WDR86: variants seen among roughly 807,000 people sequenced by gnomAD.
The protein encoded by WDR86 is WD repeat domain 86.
In WDR86, 30 loss-of-function variants were observed where a neutral mutation model predicts 36.5. The observed-to-expected ratio is 0.82, with a 90% CI of 0.61 to 1.11. The LOEUF is 1.11. Ranked by LOEUF, WDR86 falls within the 50% of genes most tolerant of loss-of-function variation. The probability of loss-of-function intolerance (pLI) is 0.00; values close to 1 mark genes in which losing one functional copy is unlikely to be tolerated. For synonymous variants in WDR86, 255 were observed against 252.9 expected (o/e 1.01, Z -0.08); for missense variants, 545 against 561.2 (o/e 0.97, Z 0.29).
At position 151,401,709 on chromosome 7, in the gene WDR86, G is replaced by C. The variant is rs1049533458; in HGVS notation, c.164-1468C>G. On this transcript the variant is annotated intron_variant, in intron 1 of 5. Coordinates refer to ENST00000334493, the MANE Select transcript of WDR86 (RefSeq NM_198285.3). This position sits in a 1 kb window ranked among gnomAD's most constrained non-coding sequence, Gnocchi z 4.3. ...GTCTTTGTGGATGTGACGAGGTAAAGACTTTGACTGGGGAGATTATCCTAG... is the reference window on the plus strand; with the variant it reads ...GTCTTTGTGGATGTGACGAGGTAAACACTTTGACTGGGGAGATTATCCTAG... Among the ~76,000 whole-genome samples, 7 of 152,056 alleles carry C rather than the reference G, an allele frequency of 4.6e-5. No individual in the cohort carries two copies. Among genetic ancestry groups the C allele is most frequent in the African/African-American group, 1.4e-4 (6 of 41,408 alleles).
chr7:151,388,780 C>T lies in WDR86; in HGVS notation c.727-3557G>A, dbSNP rs749132158. Reference sequence around the variant, plus strand: ...TGTGGCCACCTGGTCCCCAGGCTGACGGTCGGAGGCGGGGTATATGAAGCT... The same window carrying T: ...TGTGGCCACCTGGTCCCCAGGCTGATGGTCGGAGGCGGGGTATATGAAGCT... On this transcript the variant is annotated intron_variant, in intron 3 of 5. Transcript: ENST00000334493. This position sits in a 1 kb window ranked among gnomAD's most constrained non-coding sequence, Gnocchi z 4.2. Among the ~76,000 whole-genome samples, 10 of 152,204 alleles carry T rather than the reference C, an allele frequency of 6.6e-5. No individual in the cohort carries two copies. Among genetic ancestry groups the T allele is most frequent in the Non-Finnish European group, 8.8e-5 (6 of 68,036 alleles).
At chr7:151,389,305 G>C (rs1254067292) in intron 3 of WDR86, among the ~76,000 whole-genome samples, 1 of 151,988 alleles carries the variant, frequency 6.6e-6, no homozygotes, top group Non-Finnish European at 1.5e-5. Flanking sequence ...CCAGGACTCT[G>C]CGAAACTGCA....
intron 1 of WDR86, among the ~76,000 whole-genome samples, chr7:151,408,206 T>C (rs955022636): frequency 2.7e-5 from 4 of 149,128 alleles, no homozygotes; most frequent in African/African-American, 9.9e-5. Flanking sequence ...TTTCTTTTTT[T>C]TTTTTTTTTA....
chr7:151,395,449 G>T (rs917484727), intron 3 of WDR86, among the ~76,000 whole-genome samples: 2 of 151,848 alleles, frequency 1.3e-5, no homozygotes, highest in Non-Finnish European at 2.9e-5. Flanking sequence ...GTTCATAGGG[G>T]GGCCCTAATC....
In WDR86 at chr7:151,405,309, G is replaced by C. The variant is rs183122158; in HGVS notation, c.163+4118C>G. ...CTCCGACCCTGCAGGGCTCCCTCAG[G>C]CTGGCTGTGGCCATCCAACCTGGAA... On this transcript the variant is annotated intron_variant, in intron 1 of 5. Coordinates refer to ENST00000334493, the MANE Select transcript of WDR86 (RefSeq NM_198285.3). The surrounding 1 kb of genome is among the most constrained non-coding windows in gnomAD (Gnocchi z 4.7). 6.0e-4 allele frequency among the ~76,000 whole-genome samples: 91 copies of C among 152,226 alleles called. No individual in the cohort carries two copies. Among genetic ancestry groups the C allele is most frequent in the African/African-American group, 2.0e-3 (84 of 41,542 alleles).
chr7:151,372,704 G>A (rs1377285987), downstream of WDR86, among the ~76,000 whole-genome samples: 1 of 152,166 alleles, frequency 6.6e-6, no homozygotes, highest in Admixed American at 6.5e-5. Flanking sequence ...AGGAGCTGGT[G>A]CCTCAGTGTG....
intron 3 of WDR86, among the ~76,000 whole-genome samples, chr7:151,387,815 C>T (rs896070371): frequency 2.0e-5 from 3 of 152,234 alleles, no homozygotes; most frequent in Non-Finnish European, 2.9e-5. Flanking sequence ...GTGGTGGTCA[C>T]AGGCACGGGG....
chr7:151,409,386 A>G lies in WDR86; in HGVS notation c.163+41T>C. The G allele has an allele frequency of 6.4e-7, 1 of 1,550,788 alleles. No homozygotes were observed. The highest frequency in any genetic ancestry group is 8.7e-7 in the Non-Finnish European group (1 of 1,148,414). On this transcript the variant is annotated intron_variant, in intron 1 of 5. Coordinates refer to ENST00000334493, the MANE Select transcript of WDR86 (RefSeq NM_198285.3). The surrounding 1 kb of genome is among the most constrained non-coding windows in gnomAD (Gnocchi z 5.2). Reference sequence around the variant, plus strand: ...TGGGGTCCGCGGTCTGGGGCCGGTGAGCTGCGGCGAAGAGGTCAGGGAGGG... The same window carrying G: ...TGGGGTCCGCGGTCTGGGGCCGGTGGGCTGCGGCGAAGAGGTCAGGGAGGG...
At chr7:151,379,627 C>T (rs1211255275), downstream of WDR86, among the ~76,000 whole-genome samples, 1 of 152,338 alleles carries the variant, frequency 6.6e-6, no homozygotes, top group East Asian at 1.9e-4. Context: ...TCCTCAACAT[C>T]TCGCAAAGCT....
chr7:151,409,718 G>C lies in WDR86; in HGVS notation c.-129C>G, dbSNP rs543906658. 666 of 1,294,482 alleles carry C rather than the reference G, an allele frequency of 5.1e-4. No individual in the cohort carries two copies. The highest frequency in any genetic ancestry group is 1.0e-3 in the Admixed American group (25 of 23,846). The allele number at this position is 1,294,482 out of a possible 1,614,324, so 80.2% of individuals were successfully genotyped here. On this transcript the variant is annotated 5_prime_UTR_variant, in exon 1 of 6. Transcript: ENST00000334493. This position sits in a 1 kb window ranked among gnomAD's most constrained non-coding sequence, Gnocchi z 5.2. Reference sequence around the variant, plus strand: ...GGGGAACGGGGAGCCCGACTCCTGCGGAGGCACGCGGCGAGGGGAGGGTGA... The same window carrying C: ...GGGGAACGGGGAGCCCGACTCCTGCCGAGGCACGCGGCGAGGGGAGGGTGA...
rs993187484 is a variant in WDR86 at position 151,388,785 on chromosome 7, G to A, written c.727-3562C>T. Among the ~76,000 whole-genome samples, 11 of 152,314 alleles carry A rather than the reference G, an allele frequency of 7.2e-5. No individual in the cohort carries two copies. Among genetic ancestry groups the A allele is most frequent in the Admixed American group, 3.9e-4 (6 of 15,302 alleles). ...CCACCTGGTCCCCAGGCTGACGGTC[G>A]GAGGCGGGGTATATGAAGCTATGGT... On this transcript the variant is annotated intron_variant, in intron 3 of 5. Transcript: ENST00000334493. The surrounding 1 kb of genome is among the most constrained non-coding windows in gnomAD (Gnocchi z 4.2).
At chr7:151,376,761 C>G (rs781573213), downstream of WDR86, 11 of 1,595,410 alleles carry the variant, frequency 6.9e-6, no homozygotes, top group Non-Finnish European at 9.4e-6. Context: ...CTGCCGCTGT[C>G]GCCAGAAGAC....
intron 3 of WDR86, among the ~76,000 whole-genome samples, chr7:151,389,619 TG>T (rs1351812599): frequency 6.6e-6 from 1 of 152,200 alleles, no homozygotes; most frequent in East Asian, 1.9e-4. Flanking sequence ...TAAGGGCACC[TG>T]GGAAGGAGTC....
intron 3 of WDR86, among the ~76,000 whole-genome samples, chr7:151,386,786 G>A (rs1477105535): frequency 6.6e-6 from 1 of 152,222 alleles, no homozygotes; most frequent in East Asian, 1.9e-4. Context: ...CGGAGGCCCT[G>A]CAGGGCCCAG....
At chr7:151,395,199 G>A (rs946458756) in intron 3 of WDR86, among the ~76,000 whole-genome samples, 1 of 152,176 alleles carries the variant, frequency 6.6e-6, no homozygotes, top group African/African-American at 2.4e-5. Flanking sequence ...CCAGGAGGCT[G>A]CCGGCGTTCA....
chr7:151,383,653 GC>G (rs1798770419), intron 4 of WDR86, among the ~76,000 whole-genome samples: 1 of 152,170 alleles, frequency 6.6e-6, no homozygotes, highest in Admixed American at 6.5e-5. Context: ...AGAGTGAATG[GC>G]CCCAGAGGGG....
At chr7:151,399,066 C>T (rs1421148724) in intron 2 of WDR86, among the ~76,000 whole-genome samples, 1 of 152,202 alleles carries the variant, frequency 6.6e-6, no homozygotes, top group African/African-American at 2.4e-5. Flanking sequence ...CAGGGCCTCA[C>T]CTGCTTCAGC....
downstream of WDR86, chr7:151,376,968 C>T: frequency 7.0e-7 from 1 of 1,424,744 alleles, no homozygotes; most frequent in African/African-American, 1.4e-5. Context: ...GAGGCACAGT[C>T]TGAGGTTGAC....
At chr7:151,384,337 T>G (rs1798818416) in intron 4 of WDR86, among the ~76,000 whole-genome samples, 2 of 152,240 alleles carry the variant, frequency 1.3e-5, no homozygotes, top group Admixed American at 1.3e-4. Context: ...GACTTTATGA[T>G]TCTCTATCTC....
Sources: gnomAD v4.1 joint callset for allele counts (sites outside exome capture counted in the v4.1 genomes callset) on GRCh38, gnomAD v4.1.1 for gene constraint, Gnocchi (gnomAD v3.1) non-coding constraint, MANE v1.5 for transcripts, NCBI Gene and HGNC (gene_info 2026-07-23, HGNC 2026-07-21) for gene names.